The following TASP1 variants were observed in gnomAD, a reference collection of about 807,000 sequenced individuals.
The protein encoded by TASP1 is threonine aspartase 1.
In TASP1, 16 loss-of-function variants were observed where a neutral mutation model predicts 56.6. The ratio of observed to expected loss-of-function variants is 0.28; its 90% CI spans 0.19 to 0.43. TASP1 has a LOEUF of 0.43. Among genes scored for constraint, TASP1 ranks in the 20% least tolerant of loss-of-function variants. The pLI is 1.00. For missense variants in TASP1, 393 were observed against 511.6 expected (o/e 0.77, Z 2.24); for synonymous variants, 179 against 184.2 (o/e 0.97, Z 0.23).
chr20:13,373,294 C>T, the TASP1 span, among the ~76,000 whole-genome samples: 1 of 151,956 alleles, frequency 6.6e-6, no homozygotes. Context: ...TTAATTAAGA[C>T]AAGAAAGAAA....
At chr20:13,313,565 C>T in the TASP1 span, among the ~76,000 whole-genome samples, 1 of 152,142 alleles carries the variant, frequency 6.6e-6, no homozygotes, top group African/African-American at 2.4e-5. Context: ...TGAGCCTATT[C>T]GGGCTCGGGA....
At chr20:13,119,736 T>G in the TASP1 span, among the ~76,000 whole-genome samples, 1 of 152,182 alleles carries the variant, frequency 6.6e-6, no homozygotes, top group African/African-American at 2.4e-5. Context: ...CTGGCAGAGA[T>G]TCGTTAGCCT....
At chr20:13,493,132 A>C (rs2043597095) in intron 10 of TASP1, among the ~76,000 whole-genome samples, 1 of 151,916 alleles carries the variant, frequency 6.6e-6, no homozygotes, top group African/African-American at 2.4e-5. Flanking sequence ...ACAGATTAAA[A>C]CCTTTTTGAA....
chr20:13,138,167 T>C, the TASP1 span, among the ~76,000 whole-genome samples: 1 of 152,238 alleles, frequency 6.6e-6, no homozygotes, highest in South Asian at 2.1e-4. Context: ...CTTTCTGGGT[T>C]GATACCTGTT....
chr20:13,454,016 A>G (rs6042119), intron 11 of TASP1, among the ~76,000 whole-genome samples: 8,823 of 151,820 alleles, frequency 0.058, 366 homozygotes, highest in African/African-American at 0.12. Context: ...GAAGAAAATA[A>G]AACATGCCAA....
intron 6 of TASP1, among the ~76,000 whole-genome samples, chr20:13,580,290 TAA>T (rs1656771181): frequency 6.6e-6 from 1 of 151,662 alleles, no homozygotes; most frequent in Non-Finnish European, 1.5e-5. Context: ...CTACAAAAAA[TAA>T]AAATAATGTC....
chr20:13,190,476 T>C, the TASP1 span, among the ~76,000 whole-genome samples: 1 of 151,978 alleles, frequency 6.6e-6, no homozygotes, highest in Admixed American at 6.6e-5. Flanking sequence ...AAACAAACAT[T>C]AGGGAAGGGA....
chr20:13,247,370 C>T, the TASP1 span, among the ~76,000 whole-genome samples: 30 of 152,262 alleles, frequency 2.0e-4, no homozygotes, highest in Non-Finnish European at 1.0e-4. Flanking sequence ...TCAGCGTGTC[C>T]CTTCCTGACC....
chr20:13,200,720 C>A, the TASP1 span, among the ~76,000 whole-genome samples: 1 of 152,106 alleles, frequency 6.6e-6, no homozygotes, highest in African/African-American at 2.4e-5. Context: ...AACGGAGTGG[C>A]CAAAGAAGAA....
the TASP1 span, among the ~76,000 whole-genome samples, chr20:13,152,236 T>C: frequency 6.6e-6 from 1 of 152,172 alleles, no homozygotes; most frequent in East Asian, 1.9e-4. Flanking sequence ...TACACTAATT[T>C]GGTTGTTGTG....
intron 9 of TASP1, among the ~76,000 whole-genome samples, chr20:13,529,063 G>C (rs995360008): frequency 8.5e-5 from 13 of 152,084 alleles, no homozygotes; most frequent in Admixed American, 3.9e-4. Context: ...TGTCTGTGTT[G>C]ACGTGGCACA....
At chr20:13,137,290 C>A in the TASP1 span, among the ~76,000 whole-genome samples, 1 of 152,098 alleles carries the variant, frequency 6.6e-6, no homozygotes, top group Non-Finnish European at 1.5e-5. Context: ...GAAGTTGTTG[C>A]CTTGGCTGTA....
chr20:13,449,984 C>T (rs752604556), intron 11 of TASP1, among the ~76,000 whole-genome samples: 22 of 152,138 alleles, frequency 1.4e-4, no homozygotes, highest in Admixed American at 5.2e-4. Flanking sequence ...CTTGAAGATA[C>T]CGAAGGTTCA....
chr20:13,242,197 G>C, the TASP1 span, among the ~76,000 whole-genome samples: 2 of 152,124 alleles, frequency 1.3e-5, no homozygotes, highest in African/African-American at 4.8e-5. Flanking sequence ...CCAAGAACTG[G>C]GGAGGTCATC....
chr20:13,417,329 A>G (rs2042289555), intron 13 of TASP1, 119 bp downstream of exon 13: 7 of 866,640 alleles, frequency 8.1e-6, no homozygotes, highest in Non-Finnish European at 1.3e-5. Flanking sequence ...ATGCTTATGA[A>G]GACCACAAAG....
chr20:13,635,262 A>C (rs997643751), intron 1 of TASP1, among the ~76,000 whole-genome samples: 1 of 152,140 alleles, frequency 6.6e-6, no homozygotes, highest in African/African-American at 2.4e-5. Context: ...GCATTTTCTT[A>C]ATCTTCTGCT....
At chr20:13,164,971 T>C in the TASP1 span, 1 of 983,376 alleles carries the variant, frequency 1.0e-6, no homozygotes, top group Non-Finnish European at 1.5e-6. Flanking sequence ...AGGACAATTT[T>C]GGTTCCCAGA....
At position 13,580,882 on chromosome 20, in the gene TASP1, G is replaced by A. The variant is rs201434844; in HGVS notation, c.488+15C>T. 185 of 1,611,998 alleles carry A rather than the reference G, an allele frequency of 1.1e-4. 1 individual carries two copies. The African/African-American group carries it at 2.0e-3, about 17-fold the overall frequency. On this transcript the variant is annotated intron_variant, in intron 6 of 13. Coordinates refer to ENST00000337743, the MANE Select transcript of TASP1 (RefSeq NM_017714.3). ...CACTAAAGACAGGGAAAGTCAGGAA[G>A]AACAAAGTGGTTACCAGGGAGGAAT... is the stretch of plus-strand genomic sequence containing the variant.
chr20:13,579,492 T>C (rs2047041433), intron 6 of TASP1, among the ~76,000 whole-genome samples: 1 of 151,984 alleles, frequency 6.6e-6, no homozygotes, highest in Admixed American at 6.6e-5. Context: ...CCTCAACCTC[T>C]AGCTGGGACT....
Sources: gnomAD v4.1 joint callset for allele counts (sites outside exome capture counted in the v4.1 genomes callset) on GRCh38, gnomAD v4.1.1 for gene constraint, MANE v1.5 for transcripts, NCBI Gene and HGNC (gene_info 2026-07-23, HGNC 2026-07-21) for gene names.